The following CNTN4 variants were observed in gnomAD, a reference collection of about 807,000 sequenced individuals.
The protein encoded by CNTN4 is contactin-4.
Under a neutral mutation model 122.5 loss-of-function variants are expected in CNTN4, and 77 were observed. The observed-to-expected ratio is 0.63, with a 90% confidence interval of 0.52 to 0.76. CNTN4 has a LOEUF of 0.76. Ranked by LOEUF, CNTN4 falls within the 30% of genes least tolerant of loss-of-function variation. The probability of loss-of-function intolerance (pLI) is 0.00; values close to 1 mark genes in which losing one functional copy is unlikely to be tolerated. For synonymous variants in CNTN4, 512 were observed against 447.0 expected, an observed-to-expected ratio of 1.15 and a Z score of -1.83; for missense variants, 1,256 against 1,259.1, an observed-to-expected ratio of 1.00 and a Z score of 0.04.
intron 4 of CNTN4, among the ~76,000 whole-genome samples, chr3:2,595,621 A>G (rs1357072904): frequency 6.6e-6 from 1 of 152,048 alleles, no homozygotes; most frequent in African/African-American, 2.4e-5. Context: ...GCGCTGTGGG[A>G]TACTAAAGTA....
intron 2 of CNTN4, among the ~76,000 whole-genome samples, chr3:2,195,778 T>A (rs1324382807): frequency 6.6e-6 from 1 of 152,184 alleles, no homozygotes; most frequent in East Asian, 1.9e-4. Context: ...CTTCCTAATA[T>A]TTTAAGAGAA....
intron 7 of CNTN4, among the ~76,000 whole-genome samples, chr3:2,861,247 T>G (rs973893940): frequency 1.3e-5 from 2 of 152,174 alleles, no homozygotes; most frequent in Non-Finnish European, 2.9e-5. Context: ...TCCAGAGATC[T>G]TTCCATGGAC....
intron 4 of CNTN4, among the ~76,000 whole-genome samples, chr3:2,597,714 G>A (rs1474374687): frequency 2.0e-5 from 3 of 152,118 alleles, no homozygotes; most frequent in Non-Finnish European, 4.4e-5. Flanking sequence ...ATAGAGATGC[G>A]CACACGTCAG....
At chr3:2,495,574 A>T (rs900116284) in intron 3 of CNTN4, among the ~76,000 whole-genome samples, 2 of 152,222 alleles carry the variant, frequency 1.3e-5, no homozygotes, top group African/African-American at 4.8e-5. Context: ...GATGAGCAGC[A>T]GGCGAGCGAG....
chr3:2,986,214 C>A (rs755069719), intron 13 of CNTN4, among the ~76,000 whole-genome samples: 1 of 152,132 alleles, frequency 6.6e-6, no homozygotes, highest in Non-Finnish European at 1.5e-5. Context: ...CACACCCAGC[C>A]TCGCAAACAC....
intron 3 of CNTN4, among the ~76,000 whole-genome samples, chr3:2,443,037 T>G (rs2048493938): frequency 6.6e-6 from 1 of 151,890 alleles, no homozygotes; most frequent in Non-Finnish European, 1.5e-5. Flanking sequence ...TAACTATTGG[T>G]TACTGGGCTT....
intron 16 of CNTN4, among the ~76,000 whole-genome samples, chr3:3,033,538 C>T (rs1388292478): frequency 6.6e-6 from 1 of 152,174 alleles, no homozygotes; most frequent in African/African-American, 2.4e-5. Context: ...TGTGACATGG[C>T]CTGATAGTAT....
Position 2,489,334 on chromosome 3 carries a change from C to T in CNTN4, c.-88-82082C>T, listed in dbSNP as rs1315702716. ...ACCAAGATTTGGGTAACAAATGAAG[C>T]AATGTAGTAGCTTCGTTCACCCATT... On this transcript the variant is annotated intron_variant, in intron 3 of 24. Transcript: ENST00000418658. Among the ~76,000 whole-genome samples the T allele has an allele frequency of 2.0e-5, 3 of 152,120 alleles. No homozygotes were observed. The East Asian group carries it at 5.8e-4, about 29-fold the overall frequency.
At chr3:3,004,552 T>G (rs1293469590) in intron 14 of CNTN4, among the ~76,000 whole-genome samples, 6 of 152,222 alleles carry the variant, frequency 3.9e-5, no homozygotes, top group Non-Finnish European at 8.8e-5. Flanking sequence ...AATATAGGCT[T>G]TGAAGATAGA....
At chr3:3,047,345 C>T (rs948433930) in intron 23 of CNTN4, among the ~76,000 whole-genome samples, 1 of 152,226 alleles carries the variant, frequency 6.6e-6, no homozygotes, top group Admixed American at 6.5e-5. Flanking sequence ...CACCACATCG[C>T]ACTTATTCCA....
chr3:2,559,584 G>A (rs920341394), intron 3 of CNTN4, among the ~76,000 whole-genome samples: 4 of 151,970 alleles, frequency 2.6e-5, no homozygotes, highest in Non-Finnish European at 2.9e-5. Context: ...AAAAGAAAAA[G>A]GTTGTCATTT....
intron 2 of CNTN4, among the ~76,000 whole-genome samples, chr3:2,190,215 C>G (rs1347489106): frequency 6.6e-6 from 1 of 152,086 alleles, no homozygotes; most frequent in Non-Finnish European, 1.5e-5. Flanking sequence ...GACATTTCTT[C>G]TCATTGATTT....
At position 2,830,501 on chromosome 3, in the gene CNTN4, T is replaced by C. The variant is rs1042992186; in HGVS notation, c.454+10920T>C. Among the ~76,000 whole-genome samples the C allele has an allele frequency of 8.5e-5, 13 of 152,276 alleles. 5 individuals are homozygous for C. ...AGCTTTTTCTTTTGGAGTTGTCCTG[T>C]CCCAGAAAGCAGTGAAGGATGACAT... On this transcript the variant is annotated intron_variant, in intron 7 of 24. Transcript: ENST00000418658.
At chr3:2,689,842 C>A (rs766648703) in intron 4 of CNTN4, among the ~76,000 whole-genome samples, 1 of 152,120 alleles carries the variant, frequency 6.6e-6, no homozygotes, top group South Asian at 2.1e-4. Flanking sequence ...ATCTCCAGCA[C>A]ATACATAAAA....
At chr3:2,648,655 A>G (rs537048739) in intron 4 of CNTN4, among the ~76,000 whole-genome samples, 62 of 152,210 alleles carry the variant, frequency 4.1e-4, no homozygotes, top group African/African-American at 1.4e-3. Flanking sequence ...AGAAACAACA[A>G]TATTGAAATT....
chr3:2,542,418 G>C (rs2078069415), intron 3 of CNTN4, among the ~76,000 whole-genome samples: 1 of 152,106 alleles, frequency 6.6e-6, no homozygotes, highest in South Asian at 2.1e-4. Flanking sequence ...GTATAGATAG[G>C]AGACAGAATC....
chr3:2,583,074 C>A (rs917957074), intron 4 of CNTN4, among the ~76,000 whole-genome samples: 1 of 152,108 alleles, frequency 6.6e-6, no homozygotes, highest in African/African-American at 2.4e-5. Flanking sequence ...TTTCCACATG[C>A]GTGACATCTA....
intron 2 of CNTN4, among the ~76,000 whole-genome samples, chr3:2,252,949 T>A (rs1247126088): frequency 6.6e-6 from 1 of 152,106 alleles, no homozygotes; most frequent in Non-Finnish European, 1.5e-5. Context: ...TTTTTTTGTC[T>A]TTTAGGGACT....
chr3:2,684,306 G>A (rs1423417896), intron 4 of CNTN4, among the ~76,000 whole-genome samples: 7 of 152,256 alleles, frequency 4.6e-5, no homozygotes, highest in Admixed American at 6.5e-5. Flanking sequence ...AGCAGAATAG[G>A]CCAGCCTAAC....
Sources: gnomAD v4.1 joint callset for allele counts (sites outside exome capture counted in the v4.1 genomes callset) on GRCh38, gnomAD v4.1.1 for gene constraint, MANE v1.5 for transcripts, NCBI Gene and HGNC (gene_info 2026-07-23, HGNC 2026-07-21) for gene names.